SFSWAP: variants seen among roughly 807,000 people sequenced by gnomAD.
The protein encoded by SFSWAP is splicing factor SWAP.
SFSWAP carries 17 observed loss-of-function variants against 100.7 expected under a neutral mutation model. The ratio of observed to expected loss-of-function variants is 0.17; its 90% CI spans 0.12 to 0.25. The LOEUF is 0.25. Ranked by LOEUF, SFSWAP falls within the 10% of genes least tolerant of loss-of-function variation. The probability of loss-of-function intolerance (pLI) is 1.00; values close to 1 mark genes in which losing one functional copy is unlikely to be tolerated. For missense variants in SFSWAP, 1,005 were observed against 1,262.6 expected (o/e 0.80, Z 3.09); for synonymous variants, 504 against 510.1 (o/e 0.99, Z 0.16).
intron 13 of SFSWAP, among the ~76,000 whole-genome samples, chr12:131,767,555 G>T (rs1791578258): frequency 6.6e-6 from 1 of 152,228 alleles, no homozygotes; most frequent in Non-Finnish European, 1.5e-5. Context: ...TCCTGTAATT[G>T]TAGGTGAATT....
At chr12:131,770,507 A>G (rs527240287) in intron 13 of SFSWAP, among the ~76,000 whole-genome samples, 5 of 152,234 alleles carry the variant, frequency 3.3e-5, no homozygotes, top group Non-Finnish European at 4.4e-5. Context: ...TGCCTGAAGG[A>G]CAGTCACTTC....
At chr12:131,752,240 A>C (rs752597865) in intron 7 of SFSWAP, among the ~76,000 whole-genome samples, 1 of 152,194 alleles carries the variant, frequency 6.6e-6, no homozygotes, top group Non-Finnish European at 1.5e-5. Context: ...CTTAATTCGA[A>C]AAATATTTTT....
At chr12:131,753,521 GACAGGAAA>G in intron 8 of SFSWAP, 158 bp downstream of exon 8, 1 of 1,017,824 alleles carries the variant, frequency 9.8e-7, no homozygotes, top group Non-Finnish European at 1.4e-6. Context: ...TTACAAAGTT[GACAGGAAA>G]ACAGAAATGG....
chr12:131,754,210 T>C (rs1881924638), intron 8 of SFSWAP, among the ~76,000 whole-genome samples, 158 bp from the exon 9 acceptor site: 1 of 152,244 alleles, frequency 6.6e-6, no homozygotes, highest in Non-Finnish European at 1.5e-5. Flanking sequence ...CTTTAGTTTC[T>C]GTCGTGTGCA....
chr12:131,743,116 T>C (rs1158545028), intron 7 of SFSWAP, among the ~76,000 whole-genome samples: 3 of 152,226 alleles, frequency 2.0e-5, no homozygotes, highest in Non-Finnish European at 4.4e-5. Context: ...GTGGTAGTTA[T>C]AATTCAAGAT....
intron 7 of SFSWAP, among the ~76,000 whole-genome samples, chr12:131,750,086 G>A (rs1050837554): frequency 2.3e-4 from 35 of 152,350 alleles, no homozygotes; most frequent in African/African-American, 8.2e-4. Flanking sequence ...CTGGCCCTGG[G>A]CTGCTCCAGA....
At chr12:131,753,057 G>T in intron 7 of SFSWAP, 66 bp from the exon 8 acceptor site, 2 of 1,588,280 alleles carry the variant, frequency 1.3e-6, no homozygotes, top group Admixed American at 1.7e-5. Flanking sequence ...TCTTGTGGCT[G>T]CATTGTGGAC....
In SFSWAP at chr12:131,725,273, T is replaced by G. The variant is rs919053507; in HGVS notation, c.607-132T>G. 2.3e-5 allele frequency: 18 copies of G among 770,778 alleles called. No individual in the cohort carries two copies. The highest frequency in any genetic ancestry group is 5.0e-4 in the Middle Eastern group (2 of 3,978). The allele number at this position is 770,778 out of a possible 1,614,324, so 47.7% of individuals were successfully genotyped here. A position where few individuals can be genotyped will look rare whatever the true frequency, so the allele number is the denominator to read the frequency against. On this transcript the variant is annotated intron_variant, in intron 4 of 17. Coordinates refer to ENST00000261674, the MANE Select transcript of SFSWAP (RefSeq NM_004592.4). This position sits in a 1 kb window ranked among gnomAD's most constrained non-coding sequence, Gnocchi z 4.3. ...GATGAGGAGTCCGAACAGCCTGGGC[T>G]CTTCCAGCTTAAAGTCTCGTATCTC...
intron 15 of SFSWAP, among the ~76,000 whole-genome samples, chr12:131,788,406 TC>T (rs1232954067): frequency 1.4e-4 from 21 of 152,230 alleles, no homozygotes; most frequent in African/African-American, 4.8e-4. Flanking sequence ...AAACTGTGAT[TC>T]ACTAGGAACT....
chr12:131,724,040 G>C (rs751035098), intron 4 of SFSWAP, among the ~76,000 whole-genome samples: 3 of 152,322 alleles, frequency 2.0e-5, no homozygotes, highest in Non-Finnish European at 4.4e-5. Context: ...GTAAAGAATG[G>C]CTTTTTCCAA....
chr12:131,734,269 T>G lies in SFSWAP; in HGVS notation c.1081+5841T>G, dbSNP rs1163488385. Among the ~76,000 whole-genome samples the G allele has an allele frequency of 6.6e-6, 1 of 152,150 alleles. No individual in the cohort carries two copies. Among genetic ancestry groups the G allele is most frequent in the Non-Finnish European group, 1.5e-5 (1 of 68,014 alleles). On this transcript the variant is annotated intron_variant, in intron 7 of 17. Transcript: ENST00000261674. The surrounding 1 kb of genome is among the most constrained non-coding windows in gnomAD (Gnocchi z 4.9). ...ACAGGGCCCACACACTGGATTCACG[T>G]TTTTCCTCACAACTTAGAATAGCAA... is the stretch of plus-strand genomic sequence containing the variant.
At position 131,786,512 on chromosome 12, in the gene SFSWAP, A is replaced by C. The variant is rs775814672; in HGVS notation, c.2458A>C (p.Arg820=). 5 of 1,586,382 alleles carry C rather than the reference A, an allele frequency of 3.2e-6. No homozygotes were observed. Among genetic ancestry groups the C allele is most frequent in the Non-Finnish European group, 4.3e-6 (5 of 1,167,414 alleles). The change falls in exon 15 of 18, where the codon AGG becomes CGG. Residue 820 remains arginine, a synonymous_variant. Transcript: ENST00000261674. ...RRRAHSPERR[R]EERSVPTAYR... is the part of the protein sequence containing the mutation. ...GAGAGCCCACTCCCCTGAGAGACGGAGGGAAGAGAGGAGTGTGCCCACTGC... is the reference window on the plus strand; with the variant it reads ...GAGAGCCCACTCCCCTGAGAGACGGCGGGAAGAGAGGAGTGTGCCCACTGC...
chr12:131,792,001 G>T (rs1203127908), intron 15 of SFSWAP, among the ~76,000 whole-genome samples: 18 of 142,178 alleles, frequency 1.3e-4, no homozygotes, highest in South Asian at 4.7e-4. Context: ...CCGTGTGTGT[G>T]CACAGACCAG....
rs114172904 is a variant in SFSWAP, at chr12:131,730,344, T to C, written c.1081+1916T>C. Among the ~76,000 whole-genome samples, 2,014 of 152,312 alleles carry C rather than the reference T, an allele frequency of 0.013. 42 individuals carry two copies. The highest frequency in any genetic ancestry group is 0.044 in the African/African-American group (1,848 of 41,564). Reference sequence around the variant, plus strand: ...TTGAGTTTGCTTGAACCAAATGCATTGTCCGTGCACGTCCACCAGATCCCT... The same window carrying C: ...TTGAGTTTGCTTGAACCAAATGCATCGTCCGTGCACGTCCACCAGATCCCT... On this transcript the variant is annotated intron_variant, in intron 7 of 17. Coordinates refer to ENST00000261674, the MANE Select transcript of SFSWAP (RefSeq NM_004592.4). This position sits in a 1 kb window ranked among gnomAD's most constrained non-coding sequence, Gnocchi z 4.0.
chr12:131,718,599 G>A (rs114229348), intron 3 of SFSWAP, among the ~76,000 whole-genome samples: 2,027 of 152,298 alleles, frequency 0.013, 43 homozygotes, highest in African/African-American at 0.045. Context: ...TGTGAAAGAG[G>A]TAGTTTGCTT....
At chr12:131,737,628 C>T (rs867490712) in intron 7 of SFSWAP, among the ~76,000 whole-genome samples, 2 of 152,228 alleles carry the variant, frequency 1.3e-5, no homozygotes, top group South Asian at 4.2e-4. Context: ...TGCTGTGTCT[C>T]GTGGGAGGCT....
intron 11 of SFSWAP, among the ~76,000 whole-genome samples, chr12:131,763,256 A>G (rs1352879177): frequency 6.6e-6 from 1 of 152,210 alleles, no homozygotes; most frequent in Non-Finnish European, 1.5e-5. Context: ...CATCACAAAC[A>G]TAAGTTGCAG....
chr12:131,762,686 T>C (rs1328290122), intron 11 of SFSWAP, among the ~76,000 whole-genome samples: 1 of 152,126 alleles, frequency 6.6e-6, no homozygotes, highest in Non-Finnish European at 1.5e-5. Context: ...CCTCTGCCTC[T>C]GCCTCCCGGG....
chr12:131,789,916 T>A (rs984469710), intron 15 of SFSWAP, among the ~76,000 whole-genome samples: 6 of 152,218 alleles, frequency 3.9e-5, no homozygotes, highest in Non-Finnish European at 8.8e-5. Context: ...AGTCTGCATC[T>A]GCCCCTTCGT....
Sources: allele counts gnomAD v4.1 joint callset (sites outside exome capture counted in the v4.1 genomes callset), GRCh38; gene constraint gnomAD v4.1.1; non-coding constraint Gnocchi (gnomAD v3.1); transcripts MANE v1.5; gene names NCBI Gene and HGNC (gene_info 2026-07-23, HGNC 2026-07-21).